The following RASGEF1A variants were observed in gnomAD, a reference collection of about 807,000 sequenced individuals.
RASGEF1A encodes the protein ras-GEF domain-containing family member 1A.
Under a neutral mutation model 56.4 loss-of-function variants are expected in RASGEF1A, and 18 were observed. The ratio of observed to expected loss-of-function variants is 0.32; its 90% confidence interval spans 0.22 to 0.47. The LOEUF (loss-of-function observed/expected upper bound fraction) is 0.47, where lower values mean the gene tolerates loss of function less well. Among genes scored for constraint, RASGEF1A ranks in the 20% least tolerant of loss-of-function variants. The probability of loss-of-function intolerance (pLI) is 1.00; values close to 1 mark genes in which losing one functional copy is unlikely to be tolerated. For synonymous variants in RASGEF1A, 245 were observed against 242.6 expected, an observed-to-expected ratio of 1.01 and a Z score of -0.09; for missense variants, 422 against 627.1, an observed-to-expected ratio of 0.67 and a Z score of 3.49.
intron 1 of RASGEF1A, among the ~76,000 whole-genome samples, chr10:43,227,033 T>C (rs1840288208): frequency 6.6e-6 from 1 of 152,152 alleles, no homozygotes; most frequent in Non-Finnish European, 1.5e-5. Flanking sequence ...AGGGAGGGCT[T>C]CATGAAGGAG....
At chr10:43,260,567 C>T (rs1836509632) in intron 1 of RASGEF1A, among the ~76,000 whole-genome samples, 1 of 152,198 alleles carries the variant, frequency 6.6e-6, no homozygotes, top group Non-Finnish European at 1.5e-5. Context: ...CTCCCCAGAC[C>T]CAGACCCCAC....
chr10:43,206,496 G>A (rs538505830), intron 1 of RASGEF1A, among the ~76,000 whole-genome samples: 52 of 152,332 alleles, frequency 3.4e-4, no homozygotes, highest in African/African-American at 1.2e-3. Flanking sequence ...GGCTGGCCGC[G>A]CAGCTCCCAG....
intron 1 of RASGEF1A, chr10:43,207,262 CTTAGT>C: frequency 1.0e-6 from 1 of 985,540 alleles, no homozygotes; most frequent in Non-Finnish European, 1.2e-6. Context: ...CCATTTTGGC[CTTAGT>C]TTCCCCACTG....
intron 1 of RASGEF1A, among the ~76,000 whole-genome samples, chr10:43,252,388 G>T (rs1404218222): frequency 6.6e-6 from 1 of 152,200 alleles, no homozygotes; most frequent in Non-Finnish European, 1.5e-5. Context: ...TCAAGGGCCT[G>T]GCCAGGCACT....
At chr10:43,248,107 G>A (rs1192077195) in intron 1 of RASGEF1A, among the ~76,000 whole-genome samples, 1 of 150,982 alleles carries the variant, frequency 6.6e-6, no homozygotes, top group Non-Finnish European at 1.5e-5. Context: ...TATAATCCCA[G>A]CACTTTGGGA....
intron 1 of RASGEF1A, among the ~76,000 whole-genome samples, chr10:43,230,467 A>G (rs541399305): frequency 6.6e-6 from 1 of 152,304 alleles, no homozygotes; most frequent in African/African-American, 2.4e-5. Context: ...CCACTCCCTC[A>G]GATGATGCGG....
intron 3 of RASGEF1A, 87 bp from the exon 4 acceptor site, chr10:43,202,032 AGCCACACCCCAG>A: frequency 7.1e-7 from 1 of 1,405,004 alleles, no homozygotes; most frequent in Non-Finnish European, 9.5e-7. Context: ...CACATCCCCA[AGCCACACCCCAG>A]GCCCTGTGCT....
chr10:43,204,121 T>C (rs1028898666), intron 2 of RASGEF1A, among the ~76,000 whole-genome samples: 4 of 152,194 alleles, frequency 2.6e-5, no homozygotes, highest in African/African-American at 9.7e-5. Flanking sequence ...GGTCAATGTC[T>C]GTGGGAACTT....
At chr10:43,251,383 G>A (rs558676824) in intron 1 of RASGEF1A, among the ~76,000 whole-genome samples, 19 of 152,306 alleles carry the variant, frequency 1.2e-4, no homozygotes, top group Admixed American at 3.9e-4. Context: ...GCCCCTCACC[G>A]TGCTAGGATT....
intron 1 of RASGEF1A, among the ~76,000 whole-genome samples, chr10:43,214,085 T>C (rs534506585): frequency 6.6e-6 from 1 of 152,232 alleles, no homozygotes; most frequent in East Asian, 1.9e-4. Context: ...TGGTGCACAG[T>C]CCTTCCCTCC....
rs897958840 is a variant in RASGEF1A, at chr10:43,242,766, C to T, written c.-7+24079G>A. On this transcript the variant is annotated intron_variant, in intron 1 of 12. Coordinates refer to ENST00000395810, the MANE Select transcript of RASGEF1A (RefSeq NM_145313.4). ...CGGGCTGGTTTCCAGCTCCTGGCCTCGGGTGATCTGCCCACCTCGGTCTCC... is the reference window on the plus strand; with the variant it reads ...CGGGCTGGTTTCCAGCTCCTGGCCTTGGGTGATCTGCCCACCTCGGTCTCC... Among the ~76,000 whole-genome samples, 10 of 150,116 alleles carry T rather than the reference C, an allele frequency of 6.7e-5. No individual in the cohort carries two copies. The South Asian group carries it at 8.7e-4, about 13-fold the overall frequency.
intron 3 of RASGEF1A, 84 bp from the exon 4 acceptor site, chr10:43,202,029 C>T: frequency 7.1e-7 from 1 of 1,408,112 alleles, no homozygotes; most frequent in Non-Finnish European, 9.5e-7. Context: ...TCCCACATCC[C>T]CAAGCCACAC....
At chr10:43,244,543 T>C (rs1455783003) in intron 1 of RASGEF1A, among the ~76,000 whole-genome samples, 1 of 151,114 alleles carries the variant, frequency 6.6e-6, no homozygotes, top group African/African-American at 2.4e-5. Context: ...ATAGACCTTA[T>C]GTTAGGCCAT....
At chr10:43,223,648 A>G (rs1386632424) in intron 1 of RASGEF1A, among the ~76,000 whole-genome samples, 1 of 152,212 alleles carries the variant, frequency 6.6e-6, no homozygotes, top group East Asian at 1.9e-4. Flanking sequence ...ATAGAGTAGA[A>G]CTCCTTATAA....
intron 1 of RASGEF1A, among the ~76,000 whole-genome samples, chr10:43,255,189 G>A (rs1238115868): frequency 6.6e-6 from 1 of 152,086 alleles, no homozygotes; most frequent in African/African-American, 2.4e-5. Context: ...CAGGATCCAG[G>A]AAATCTCCCA....
chr10:43,243,691 G>A (rs1840535103), intron 1 of RASGEF1A, among the ~76,000 whole-genome samples: 2 of 147,022 alleles, frequency 1.4e-5, no homozygotes, highest in South Asian at 4.3e-4. Context: ...GGGAGGTGGG[G>A]AGCACCTCTG....
intron 1 of RASGEF1A, among the ~76,000 whole-genome samples, chr10:43,238,227 G>C (rs917708467): frequency 1.3e-5 from 2 of 152,046 alleles, no homozygotes; most frequent in African/African-American, 4.8e-5. Flanking sequence ...GCCGTGGCTA[G>C]TTTATGTGTG....
At chr10:43,218,996 G>C (rs1388307621) in intron 1 of RASGEF1A, among the ~76,000 whole-genome samples, 1 of 152,180 alleles carries the variant, frequency 6.6e-6, no homozygotes, top group Admixed American at 6.5e-5. Flanking sequence ...TTTCTGTCCA[G>C]TCAGCTTCTT....
chr10:43,201,973 G>T (rs749854485), intron 3 of RASGEF1A, 28 bp from the exon 4 acceptor site: 16 of 1,582,338 alleles, frequency 1.0e-5, no homozygotes, highest in Non-Finnish European at 1.4e-5. Context: ...ACAGAGTAAG[G>T]CCCCACAGGG....
Sources: allele counts gnomAD v4.1 joint callset (sites outside exome capture counted in the v4.1 genomes callset), GRCh38; gene constraint gnomAD v4.1.1; transcripts MANE v1.5; gene names NCBI Gene and HGNC (gene_info 2026-07-23, HGNC 2026-07-21).